Variants in TFCP2L1 observed in about 807,000 individuals in gnomAD.
TFCP2L1 encodes the protein transcription factor CP2-like protein 1.
Under a neutral mutation model 72.2 loss-of-function variants are expected in TFCP2L1, and 12 were observed. That is an observed-to-expected ratio of 0.17 (90% CI 0.11 to 0.27). The LOEUF (loss-of-function observed/expected upper bound fraction) is 0.27. TFCP2L1 is among the 10% of genes least tolerant of loss of function. The probability of loss-of-function intolerance (pLI) is 1.00; values close to 1 mark genes in which losing one functional copy is unlikely to be tolerated. For missense variants in TFCP2L1, 488 were observed against 624.6 expected, an observed-to-expected ratio of 0.78 and a Z score of 2.33; for synonymous variants, 260 against 251.0, an observed-to-expected ratio of 1.04 and a Z score of -0.34.
At chr2:121,261,466 A>G (rs1686828772) in intron 2 of TFCP2L1, among the ~76,000 whole-genome samples, 1 of 152,226 alleles carries the variant, frequency 6.6e-6, no homozygotes, top group African/African-American at 2.4e-5. Flanking sequence ...GGAGCTCTCG[A>G]TGGCCACAGC....
chr2:121,272,459 G>A (rs557883533), intron 2 of TFCP2L1, among the ~76,000 whole-genome samples: 15 of 152,178 alleles, frequency 9.9e-5, no homozygotes, highest in Admixed American at 8.5e-4. Flanking sequence ...GAAATTCTCC[G>A]CAGGGTTATG....
chr2:121,257,303 T>G (rs763368227), intron 2 of TFCP2L1, among the ~76,000 whole-genome samples: 10 of 151,580 alleles, frequency 6.6e-5, no homozygotes, highest in African/African-American at 2.4e-4. Context: ...CCCGAGGGTA[T>G]CCAGGCAGTA....
intron 2 of TFCP2L1, among the ~76,000 whole-genome samples, chr2:121,270,977 G>A (rs1441241547): frequency 6.6e-6 from 1 of 151,140 alleles, no homozygotes; most frequent in Non-Finnish European, 1.5e-5. Context: ...ATTACTTGAA[G>A]TCAGGAGTTC....
At chr2:121,237,962 T>A in intron 8 of TFCP2L1, 112 bp from the exon 9 acceptor site, 1 of 1,149,382 alleles carries the variant, frequency 8.7e-7, no homozygotes, top group Non-Finnish European at 1.3e-6. Context: ...GGATTTGTTC[T>A]AAGTGAAATG....
chr2:121,269,253 A>G (rs1573391983), intron 2 of TFCP2L1, among the ~76,000 whole-genome samples: 1 of 152,066 alleles, frequency 6.6e-6, no homozygotes, highest in South Asian at 2.1e-4. Flanking sequence ...GTTCGAGACC[A>G]GCCTGGGCAA....
intron 13 of TFCP2L1, among the ~76,000 whole-genome samples, chr2:121,230,746 G>A (rs564773462): frequency 9.3e-4 from 141 of 152,036 alleles, no homozygotes; most frequent in Admixed American, 1.5e-3. Context: ...CTGAGTGATA[G>A]AGCAAGATCT....
intron 6 of TFCP2L1, among the ~76,000 whole-genome samples, chr2:121,243,438 C>T (rs1385943931): frequency 1.3e-5 from 2 of 152,148 alleles, no homozygotes; most frequent in African/African-American, 2.4e-5. Context: ...GGCCACAGAC[C>T]GGTACCGGTC....
intron 2 of TFCP2L1, among the ~76,000 whole-genome samples, chr2:121,279,458 G>A (rs1052616662): frequency 2.0e-5 from 3 of 152,288 alleles, no homozygotes; most frequent in South Asian, 4.1e-4. Context: ...GAGGGAGCTC[G>A]GCTGAGCAAG....
intron 2 of TFCP2L1, among the ~76,000 whole-genome samples, chr2:121,279,903 C>T (rs1441969596): frequency 6.6e-6 from 1 of 152,172 alleles, no homozygotes; most frequent in Non-Finnish European, 1.5e-5. Flanking sequence ...GTGGCCAGAA[C>T]TGTTTCATGT....
intron 1 of TFCP2L1, among the ~76,000 whole-genome samples, chr2:121,284,084 T>A (rs1371175729): frequency 1.3e-5 from 2 of 152,204 alleles, no homozygotes; most frequent in Non-Finnish European, 2.9e-5. Context: ...CGTTTTAAGA[T>A]CTAAGTGGGA....
At position 121,277,187 on chromosome 2, in the gene TFCP2L1, T is replaced by G. The variant is rs547827036; in HGVS notation, c.214+3933A>C. On this transcript the variant is annotated intron_variant, in intron 2 of 14. Transcript: ENST00000263707. Reference sequence around the variant, plus strand: ...ATAAATGTATTTTAAAATATCCAACTGCATTAACAATCACAGAAATGCTAA... The same window carrying G: ...ATAAATGTATTTTAAAATATCCAACGGCATTAACAATCACAGAAATGCTAA... Among the ~76,000 whole-genome samples the G allele has an allele frequency of 4.6e-5, 7 of 152,338 alleles. No individual in the cohort carries two copies. The South Asian group carries it at 1.4e-3, about 32-fold the overall frequency.
intron 2 of TFCP2L1, among the ~76,000 whole-genome samples, chr2:121,256,714 T>G (rs1267256608): frequency 6.6e-6 from 1 of 151,826 alleles, no homozygotes; most frequent in African/African-American, 2.4e-5. Context: ...AGGCGGAGGT[T>G]GCAGTGAGGC....
intron 2 of TFCP2L1, among the ~76,000 whole-genome samples, chr2:121,252,592 G>C (rs1159851198): frequency 2.6e-5 from 4 of 152,156 alleles, no homozygotes; most frequent in African/African-American, 9.7e-5. Context: ...ACAGAAAAGA[G>C]AGGAGGCACC....
Position 121,217,863 on chromosome 2 carries a change from C to G in TFCP2L1, c.*6478G>C, listed in dbSNP as rs1274979833. 6.6e-6 allele frequency: 1 copy of G among 152,416 alleles called. No homozygotes were observed. The highest frequency in any genetic ancestry group is 1.5e-5 in the Non-Finnish European group (1 of 68,090). 9.4% of individuals were successfully genotyped at this position (152,416 alleles called of 1,614,324 possible). A position where few individuals can be genotyped will look rare whatever the true frequency, so the allele number is the denominator to read the frequency against. On this transcript the variant is annotated 3_prime_UTR_variant, in exon 15 of 15. Transcript: ENST00000263707. The stretch of plus-strand genomic sequence containing the variant: ...AAAGCAAAGGGCTCTGCATTCCCAC[C>G]ACGAGGCGGGGTGGACTCTGCAGGA...
intron 7 of TFCP2L1, chr2:121,240,299 ATG>A (rs1265591132): frequency 3.0e-6 from 3 of 985,266 alleles, no homozygotes; most frequent in Non-Finnish European, 3.6e-6. Context: ...ACACAAATGC[ATG>A]TGGAGTCTCC....
intron 11 of TFCP2L1, among the ~76,000 whole-genome samples, chr2:121,234,877 G>C (rs1053936030): frequency 1.1e-4 from 17 of 152,112 alleles, no homozygotes; most frequent in African/African-American, 3.4e-4. Context: ...TCCCCTCAGC[G>C]GGGGAGCAGC....
chr2:121,224,941 C>T (rs568744004), intron 14 of TFCP2L1, among the ~76,000 whole-genome samples: 10 of 148,508 alleles, frequency 6.7e-5, no homozygotes, highest in African/African-American at 1.2e-4. Flanking sequence ...GCTGAGATCG[C>T]GCCATTGCCC....
intron 2 of TFCP2L1, among the ~76,000 whole-genome samples, chr2:121,269,706 C>T (rs1009944709): frequency 8.6e-5 from 13 of 152,016 alleles, no homozygotes; most frequent in Middle Eastern, 3.4e-3. Flanking sequence ...TTCAGGAGTT[C>T]GAGACCAGCC....
In TFCP2L1 at chr2:121,220,470, C is replaced by T. The variant is rs974962935; in HGVS notation, c.*3871G>A. 7 of 152,232 alleles carry T rather than the reference C, an allele frequency of 4.6e-5. No individual in the cohort carries two copies. The highest frequency in any genetic ancestry group is 1.9e-4 in the East Asian group (1 of 5,202). 9.4% of individuals were successfully genotyped at this position (152,232 alleles called of 1,614,324 possible). On this transcript the variant is annotated 3_prime_UTR_variant, in exon 15 of 15. Coordinates refer to ENST00000263707, the MANE Select transcript of TFCP2L1 (RefSeq NM_014553.3). ...GTTTATCTCAACCTTGCAGATACCC[C>T]GCAAAAACCGTGACGACCTAAGAGT...
Sources: gnomAD v4.1 joint callset for allele counts (sites outside exome capture counted in the v4.1 genomes callset) on GRCh38, gnomAD v4.1.1 for gene constraint, MANE v1.5 for transcripts, NCBI Gene and HGNC (gene_info 2026-07-23, HGNC 2026-07-21) for gene names.